The following MGAT5B variants were observed in gnomAD, a reference collection of about 807,000 sequenced individuals.
MGAT5B encodes alpha-1,6-mannosylglycoprotein 6-beta-N-acetylglucosaminyltransferase B.
MGAT5B carries 54 observed loss-of-function variants against 95.1 expected under a neutral mutation model. That is an observed-to-expected ratio of 0.57 (90% confidence interval 0.46 to 0.71). The LOEUF (loss-of-function observed/expected upper bound fraction) is 0.71. MGAT5B is among the 30% of genes least tolerant of loss of function. MGAT5B has a pLI of 0.00. For synonymous variants in MGAT5B, 464 were observed against 451.0 expected (o/e 1.03, Z -0.36); for missense variants, 935 against 1,088.6 (o/e 0.86, Z 1.99).
rs754477097 is a variant in MGAT5B at position 76,932,694 on chromosome 17, C to T, written c.1341C>T (p.Asn447=). The T allele has an allele frequency of 7.4e-6, 12 of 1,613,904 alleles. No homozygotes were observed. The highest frequency in any genetic ancestry group is 5.0e-5 in the Admixed American group (3 of 60,006). ...TGGGCTTCGTGTCCGAGGAGCTCAA[C>T]GAGACGGAGAAGCGGCTCATCAAAG... ...SFMGFVSEEL[N]ETEKRLIKGG... The change falls in exon 11 of 18, where the codon AAC becomes AAT. Residue 447 remains asparagine, a synonymous_variant. Transcript: ENST00000569840.
At chr17:76,926,438 G>A (rs1198249855) in intron 9 of MGAT5B, among the ~76,000 whole-genome samples, 159 bp from the exon 10 acceptor site, 1 of 152,174 alleles carries the variant, frequency 6.6e-6, no homozygotes, top group Non-Finnish European at 1.5e-5. Context: ...CTCACCTGTG[G>A]TCACACAGCA....
chr17:76,881,301 C>T (rs984967516), intron 2 of MGAT5B, among the ~76,000 whole-genome samples: 2 of 152,206 alleles, frequency 1.3e-5, no homozygotes, highest in Non-Finnish European at 2.9e-5. Context: ...GGTCTCCCCT[C>T]CCCAGGCTGG....
rs1179791305 is a variant in MGAT5B at position 76,948,572 on chromosome 17, CT to C, written c.2181-67del. 2.0e-6 allele frequency: 3 copies of C among 1,471,144 alleles called. No homozygotes were observed. The African/African-American group carries it at 4.1e-5, about 20-fold the overall frequency. 91.1% of individuals were successfully genotyped at this position (1,471,144 alleles called of 1,614,324 possible). A position where few individuals can be genotyped will look rare whatever the true frequency, so the allele number is the denominator to read the frequency against. Reference sequence around the variant, plus strand: ...GGCAGGACTAGGCTGGGGGCAGCCCCTACCCCGCCCCAGCCCTTCTGCCCAA... The same window carrying C: ...GGCAGGACTAGGCTGGGGGCAGCCCCACCCCGCCCCAGCCCTTCTGCCCAA... On this transcript the variant is annotated intron_variant, in intron 17 of 17. Coordinates refer to ENST00000569840, the MANE Select transcript of MGAT5B (RefSeq NM_001199172.2).
chr17:76,905,352 C>T lies in MGAT5B; in HGVS notation c.855+19C>T, dbSNP rs751525943. 8.3e-6 allele frequency: 13 copies of T among 1,559,712 alleles called. No individual in the cohort carries two copies. Among genetic ancestry groups the T allele is most frequent in the Non-Finnish European group, 7.8e-6 (9 of 1,149,090 alleles). Reference sequence around the variant, plus strand: ...GAAGCAGGTGCGTGGCCCCTGCCCCCTCATGTGCAGGAGCTGAGAAAGCTC... The same window carrying T: ...GAAGCAGGTGCGTGGCCCCTGCCCCTTCATGTGCAGGAGCTGAGAAAGCTC... On this transcript the variant is annotated intron_variant, in intron 7 of 17. Coordinates refer to ENST00000569840, the MANE Select transcript of MGAT5B (RefSeq NM_001199172.2). The surrounding 1 kb of genome is among the most constrained non-coding windows in gnomAD (Gnocchi z 4.2).
chr17:76,941,899 G>A (rs1156421844), intron 15 of MGAT5B, among the ~76,000 whole-genome samples: 2 of 152,232 alleles, frequency 1.3e-5, no homozygotes, highest in Non-Finnish European at 2.9e-5. Flanking sequence ...TGTCCTGCCC[G>A]AGGAGAAAGA....
At chr17:76,895,081 G>A (rs922138617) in intron 3 of MGAT5B, among the ~76,000 whole-genome samples, 2 of 152,064 alleles carry the variant, frequency 1.3e-5, no homozygotes, top group South Asian at 4.1e-4. Context: ...GCTCCTCATC[G>A]CTCGCGTTAC....
Position 76,940,826 on chromosome 17 carries a change from T to C in MGAT5B, c.1826T>C (p.Ile609Thr). 1.2e-6 allele frequency: 2 copies of C among 1,613,974 alleles called. No individual in the cohort carries two copies. The highest frequency in any genetic ancestry group is 2.2e-5 in the South Asian group (2 of 91,058). The change falls in exon 15 of 18, where the codon ATC becomes ACC. Residue 609 changes from isoleucine (I) to threonine (T), a missense_variant. By Grantham distance (89) the Ile-to-Thr change is moderately conservative. Around this residue, in one of 4 missense-constraint regions of MGAT5B, gnomAD observed 440 missense variants for 523.6 expected, o/e 0.84. Transcript: ENST00000569840. The surrounding 1 kb of genome is among the most constrained non-coding windows in gnomAD (Gnocchi z 4.3). The stretch of plus-strand genomic sequence containing the variant: ...AACTCAGAGGAGTTTGAAGCAGCCA[T>C]CAAGGCCATTATGAGAACTCAGGTG... ...YNNSEEFEAA[I>T]KAIMRTQVDP...
chr17:76,908,574 T>C (rs1968618397), intron 8 of MGAT5B, among the ~76,000 whole-genome samples: 1 of 151,782 alleles, frequency 6.6e-6, no homozygotes, highest in Non-Finnish European at 1.5e-5. Context: ...GCTTTATTCC[T>C]CCTTTTCATT....
intron 3 of MGAT5B, among the ~76,000 whole-genome samples, chr17:76,893,346 C>G (rs1326551642): frequency 6.6e-6 from 1 of 152,208 alleles, no homozygotes; most frequent in Non-Finnish European, 1.5e-5. Context: ...ATGGGGCCTC[C>G]TCTGGGGACA....
In MGAT5B at chr17:76,915,540, T is replaced by C. The variant is rs1968899682; in HGVS notation, c.1025+9353T>C. On this transcript the variant is annotated intron_variant, in intron 8 of 17. Coordinates refer to ENST00000569840, the MANE Select transcript of MGAT5B (RefSeq NM_001199172.2). The surrounding 1 kb of genome is among the most constrained non-coding windows in gnomAD (Gnocchi z 8.7). ...AAACAAACAGGATTCGAACCAAATA[T>C]GGCAAAATGTTAAGGCTTGATGAGG... Among the ~76,000 whole-genome samples the C allele has an allele frequency of 6.6e-6, 1 of 152,120 alleles. No homozygotes were observed. Among genetic ancestry groups the C allele is most frequent in the South Asian group, 2.1e-4 (1 of 4,824 alleles).
chr17:76,937,879 C>G, intron 12 of MGAT5B, 109 bp from the exon 13 acceptor site: 1 of 1,390,650 alleles, frequency 7.2e-7, no homozygotes. Flanking sequence ...AATGGCCAAC[C>G]TGAGACTGGG....
intron 10 of MGAT5B, among the ~76,000 whole-genome samples, chr17:76,929,014 C>T (rs1381884435): frequency 3.3e-5 from 5 of 151,986 alleles, no homozygotes; most frequent in Non-Finnish European, 5.9e-5. Flanking sequence ...CACAGGCACA[C>T]GTCACTTAGC....
At chr17:76,903,794 G>A (rs1304026025) in intron 5 of MGAT5B, among the ~76,000 whole-genome samples, 1 of 152,256 alleles carries the variant, frequency 6.6e-6, no homozygotes, top group Non-Finnish European at 1.5e-5. Context: ...AACGCCCTAA[G>A]GGGTGGGCGG....
chr17:76,873,929 G>A (rs1967092262), intron 2 of MGAT5B, among the ~76,000 whole-genome samples: 1 of 152,174 alleles, frequency 6.6e-6, no homozygotes, highest in African/African-American at 2.4e-5. Flanking sequence ...CCTGTTCTGA[G>A]TGATGAATAT....
chr17:76,896,264 TAGAA>T (rs1311991552), intron 3 of MGAT5B, among the ~76,000 whole-genome samples: 2 of 152,196 alleles, frequency 1.3e-5, no homozygotes, highest in Non-Finnish European at 2.9e-5. Context: ...GATTTGAAAA[TAGAA>T]AGGGCTGTGC....
chr17:76,898,044 G>A (rs1968163202), intron 3 of MGAT5B, among the ~76,000 whole-genome samples: 1 of 133,052 alleles, frequency 7.5e-6, no homozygotes, highest in South Asian at 2.5e-4. Context: ...CAACGAGAGT[G>A]AAACTCTGTC....
chr17:76,877,500 G>A (rs188293277), intron 2 of MGAT5B, among the ~76,000 whole-genome samples: 1 of 152,220 alleles, frequency 6.6e-6, no homozygotes, highest in Admixed American at 6.5e-5. Context: ...GGATGGCTCT[G>A]GCTCTGGCTC....
intron 8 of MGAT5B, among the ~76,000 whole-genome samples, chr17:76,909,650 TCG>T (rs1224379250): frequency 5.3e-5 from 8 of 152,324 alleles, no homozygotes; most frequent in Non-Finnish European, 7.4e-5. Flanking sequence ...CTGCCTTTCT[TCG>T]CTGCAACTCA....
At chr17:76,932,092 C>G (rs1487590320) in intron 10 of MGAT5B, among the ~76,000 whole-genome samples, 1 of 138,156 alleles carries the variant, frequency 7.2e-6, no homozygotes. Context: ...TCCTCCCCCC[C>G]CCCTTCTTCG....
Sources: gnomAD v4.1 joint callset for allele counts (sites outside exome capture counted in the v4.1 genomes callset) on GRCh38, gnomAD v4.1.1 for gene constraint, gnomAD v4.1.1 regional missense constraint, Gnocchi (gnomAD v3.1) non-coding constraint, MANE v1.5 for transcripts, NCBI Gene and HGNC (gene_info 2026-07-23, HGNC 2026-07-21) for gene names.